CCDC59: variants seen among roughly 807,000 people sequenced by gnomAD.
CCDC59 encodes the protein coiled-coil domain containing 59, also known as thyroid transcription factor 1-associated protein 26.
Under a neutral mutation model 30.5 loss-of-function variants are expected in CCDC59, and 27 were observed. The ratio of observed to expected loss-of-function variants is 0.89; its 90% CI spans 0.65 to 1.22. The LOEUF (loss-of-function observed/expected upper bound fraction) is 1.22, where lower values mean the gene tolerates loss of function less well. Among genes scored for constraint, CCDC59 ranks in the 50% most tolerant of loss-of-function variants. CCDC59 has a pLI of 0.00. For missense variants in CCDC59, 362 were observed against 284.4 expected, an observed-to-expected ratio of 1.27 and a Z score of -1.96; for synonymous variants, 125 against 100.9, an observed-to-expected ratio of 1.24 and a Z score of -1.43.
At chr12:82,355,298 TTTCAG>T (rs1233672541) in intron 2 of CCDC59, 1 of 152,238 alleles carries the variant, frequency 6.6e-6, no homozygotes, top group Non-Finnish European at 1.5e-5. Flanking sequence ...TGTTCCACGG[TTTCAG>T]TTACCTGCAG....
At chr12:82,357,311 G>C (rs563563497) in intron 1 of CCDC59, 42 bp from the exon 2 acceptor site, 39 of 1,516,458 alleles carry the variant, frequency 2.6e-5, no homozygotes, top group Non-Finnish European at 3.5e-5. Flanking sequence ...TCAGAGAAAA[G>C]AAGTTGAACG....
Position 82,353,009 on chromosome 12 carries a change from T to C in CCDC59, c.*142A>G, listed in dbSNP as rs1880873721. The C allele has an allele frequency of 3.3e-6, 2 of 607,984 alleles. No homozygotes were observed. Among genetic ancestry groups the C allele is most frequent in the Non-Finnish European group, 5.4e-6 (2 of 372,828 alleles). 37.7% of individuals were successfully genotyped at this position (607,984 alleles called of 1,614,324 possible). A position where few individuals can be genotyped will look rare whatever the true frequency, so the allele number is the denominator to read the frequency against. ...AACATATTTAGAAAATTTTTTACCA[T>C]AATAAAAATATGTGAACATCTTATA... On this transcript the variant is annotated 3_prime_UTR_variant, in exon 4 of 4. Transcript: ENST00000256151.
Position 82,357,213 on chromosome 12 carries a change from G to T in CCDC59, c.211C>A (p.Leu71Ile). 1 of 1,614,086 alleles carries T rather than the reference G, an allele frequency of 6.2e-7. No individual in the cohort carries two copies. Reference sequence around the variant, plus strand: ...GTTTGAGCCTTCTTTTCCTTCCGTAGCAATTTCTTGTAACTTTGCTGTATT... The same window carrying T: ...GTTTGAGCCTTCTTTTCCTTCCGTATCAATTTCTTGTAACTTTGCTGTATT... ...LKIQQSYKKL[L>I]RKEKKAQTSL... The change falls in exon 2 of 4, where the codon CTA becomes ATA. Residue 71 changes from leucine to isoleucine, a missense_variant. Transcript: ENST00000256151.
chr12:82,355,598 G>T (rs1880983847), intron 2 of CCDC59: 1 of 152,178 alleles, frequency 6.6e-6, no homozygotes, highest in Admixed American at 6.5e-5. Flanking sequence ...AGATGGAAAA[G>T]GCATTAAATT....
At position 82,357,024 on chromosome 12, in the gene CCDC59, A is replaced by C; in HGVS notation, c.400T>G (p.Leu134Val). ...LEEQCSIDEP[L>V]FEDQCSFDQP... ...TCAAAGCTACACTGATCTTCAAATA[A>C]AGGCTCGTCAATGCTACACTGTTCT... Residue 134 changes from leucine to valine, a missense_variant, in exon 2 of 4, where the codon TTA (leucine) becomes GTA (valine). Transcript: ENST00000256151. 6.2e-7 allele frequency: 1 copy of C among 1,614,182 alleles called. No homozygotes were observed. Among genetic ancestry groups the C allele is most frequent in the Non-Finnish European group, 8.5e-7 (1 of 1,180,022 alleles).
chr12:82,358,363 CT>C lies in CCDC59; in HGVS notation c.13del (p.Arg5GlyfsTer28). The C allele has an allele frequency of 6.2e-7, 1 of 1,613,614 alleles. No individual in the cohort carries two copies. The highest frequency in any genetic ancestry group is 8.5e-7 in the Non-Finnish European group (1 of 1,180,022). On this transcript the variant is annotated frameshift_variant, in exon 1 of 4. Coordinates refer to ENST00000256151, the MANE Select transcript of CCDC59 (RefSeq NM_014167.5). LOFTEE classifies it high-confidence loss of function. Reference protein sequence around the residue: MAPVRRSAKWRPGGI... With the variant: MAPVXRSAKWRPGGI... ...ACCAGGCCGCCACTTCGCGGACCGC[CT>C]CACCGGCGCCATTGCAGCCGACTAA...
intron 3 of CCDC59, among the ~76,000 whole-genome samples, chr12:82,353,718 C>G (rs2136746492): frequency 6.6e-6 from 1 of 152,164 alleles, no homozygotes; most frequent in East Asian, 1.9e-4. Context: ...AATCTGCCAC[C>G]AGCTTAAGAA....
upstream of CCDC59, chr12:82,358,595 C>T: frequency 1.9e-6 from 3 of 1,612,958 alleles, no homozygotes; most frequent in Admixed American, 1.7e-5. Flanking sequence ...TCCCGGTGAC[C>T]CCGGACCTGC....
intron 1 of CCDC59, 38 bp downstream of exon 1, chr12:82,358,185 A>T: frequency 6.2e-7 from 1 of 1,613,062 alleles, no homozygotes; most frequent in Non-Finnish European, 8.5e-7. Context: ...AAAACTTAGC[A>T]AGCCTGAGGA....
chr12:82,358,221 A>G lies in CCDC59; in HGVS notation c.154+2T>C. ...TTTGCAAATGGTTGCCTTCTTACAT[A>G]CCCTCGCGAACGCTCCCCACGAAGG... is the stretch of plus-strand genomic sequence containing the variant. On this transcript the variant is annotated splice_donor_variant, in intron 1 of 3. Coordinates refer to ENST00000256151, the MANE Select transcript of CCDC59 (RefSeq NM_014167.5). LOFTEE classifies it high-confidence loss of function. The G allele has an allele frequency of 6.2e-7, 1 of 1,614,006 alleles. No homozygotes were observed. Among genetic ancestry groups the G allele is most frequent in the African/African-American group, 1.3e-5 (1 of 74,966 alleles).
chr12:82,355,177 T>A (rs1488928686), intron 2 of CCDC59: 11 of 152,488 alleles, frequency 7.2e-5, no homozygotes, highest in Non-Finnish European at 1.6e-4. Context: ...CACTAGCGAC[T>A]TTGGACTAGT....
At chr12:82,358,422 C>A, upstream of CCDC59, 1 of 1,608,606 alleles carries the variant, frequency 6.2e-7, no homozygotes, top group Non-Finnish European at 8.5e-7. Flanking sequence ...CGGACGCCCA[C>A]AAAATACGTC....
At chr12:82,354,663 T>A in intron 2 of CCDC59, 69 bp from the exon 3 acceptor site, 1 of 1,426,700 alleles carries the variant, frequency 7.0e-7, no homozygotes, top group Non-Finnish European at 9.3e-7. Flanking sequence ...AAAAACACAG[T>A]TGTAGCTTTT....
At chr12:82,354,813 G>T in intron 2 of CCDC59, 1 of 309,958 alleles carries the variant, frequency 3.2e-6, no homozygotes, top group Non-Finnish European at 5.8e-6. Flanking sequence ...GTATATGAAT[G>T]ATAGAAATGC....
In CCDC59 at chr12:82,354,513, T is replaced by C; in HGVS notation, c.546A>G (p.Lys182=). The C allele has an allele frequency of 6.3e-7, 1 of 1,595,806 alleles. No individual in the cohort carries two copies. The part of the protein sequence containing the change: ...AQEEYEQIQA[K]RAAKKQEFER... ...AACTTACTTGTTTCTTAGCAGCACG[T>C]TTGGCTTGTATCTGTTCATATTCTT... is the stretch of plus-strand genomic sequence containing the variant. Residue 182 remains lysine, a synonymous_variant, in exon 3 of 4, where the codon AAA becomes AAG. Transcript: ENST00000256151.
At position 82,354,524 on chromosome 12, in the gene CCDC59, T is replaced by C. The variant is rs748400737; in HGVS notation, c.535A>G (p.Ile179Val). Residue 179 changes from isoleucine (I) to valine (V), a missense_variant, in exon 3 of 4, where the codon ATA becomes GTA. Coordinates refer to ENST00000256151, the MANE Select transcript of CCDC59 (RefSeq NM_014167.5). Reference sequence around the variant, plus strand: ...TTCTTAGCAGCACGTTTGGCTTGTATCTGTTCATATTCTTCTTGTGCTTTT... The same window carrying C: ...TTCTTAGCAGCACGTTTGGCTTGTACCTGTTCATATTCTTCTTGTGCTTTT... ...NQKAQEEYEQ[I>V]QAKRAAKKQE... The C allele has an allele frequency of 6.2e-7, 1 of 1,602,554 alleles. No homozygotes were observed. Among genetic ancestry groups the C allele is most frequent in the Non-Finnish European group, 8.5e-7 (1 of 1,173,636 alleles).
chr12:82,357,386 T>A, intron 1 of CCDC59, 117 bp from the exon 2 acceptor site: 1 of 831,752 alleles, frequency 1.2e-6, no homozygotes, highest in Non-Finnish European at 1.8e-6. Context: ...ATTCTAGTAT[T>A]ATATTTTGCT....
At position 82,357,003 on chromosome 12, in the gene CCDC59, A is replaced by C; in HGVS notation, c.421T>G (p.Phe141Val). The change falls in exon 2 of 4, where the codon TTT (phenylalanine) becomes GTT (valine). Residue 141 changes from phenylalanine (F) to valine (V), a missense_variant. Transcript: ENST00000256151. ...TGTTCTTCTGGCTGAGGCTGGTCAA[A>C]GCTACACTGATCTTCAAATAAAGGC... ...DEPLFEDQCS[F>V]DQPQPEEQCI... 1 of 1,614,174 alleles carries C rather than the reference A, an allele frequency of 6.2e-7. No individual in the cohort carries two copies. The highest frequency in any genetic ancestry group is 8.5e-7 in the Non-Finnish European group (1 of 1,180,012).
intron 3 of CCDC59, 84 bp downstream of exon 3, chr12:82,354,411 G>T: frequency 9.9e-7 from 1 of 1,008,896 alleles, no homozygotes; most frequent in Non-Finnish European, 1.4e-6. Context: ...TGTGTGCCCA[G>T]CACCAAGAAG....
Sources: gnomAD v4.1 joint callset for allele counts (sites outside exome capture counted in the v4.1 genomes callset) on GRCh38, gnomAD v4.1.1 for gene constraint, MANE v1.5 for transcripts, NCBI Gene and HGNC (gene_info 2026-07-23, HGNC 2026-07-21) for gene names.